PACSIN1: variants seen among roughly 807,000 people sequenced by gnomAD.
PACSIN1 encodes protein kinase C and casein kinase substrate in neurons 1, also known as protein kinase C and casein kinase substrate in neurons protein 1.
Under a neutral mutation model 59.5 loss-of-function variants are expected in PACSIN1, and 15 were observed. That is an observed-to-expected ratio of 0.25 (90% confidence interval 0.17 to 0.39). The LOEUF is 0.39. Among genes scored for constraint, PACSIN1 ranks in the 10% least tolerant of loss-of-function variants. The pLI is 1.00. For synonymous variants in PACSIN1, 210 were observed against 220.6 expected, an observed-to-expected ratio of 0.95 and a Z score of 0.42; for missense variants, 420 against 580.2, an observed-to-expected ratio of 0.72 and a Z score of 2.84.
chr6:34,472,755 A>G (rs1263430785), intron 1 of PACSIN1, among the ~76,000 whole-genome samples: 1 of 152,058 alleles, frequency 6.6e-6, no homozygotes, highest in Non-Finnish European at 1.5e-5. Flanking sequence ...GAAAGGGGGT[A>G]AGGTAAGGTA....
In PACSIN1 at chr6:34,515,427, C is replaced by T. The variant is rs904097598; in HGVS notation, c.-63-10816C>T. ...ACAGTCTGAAGCTAGACAGGGTATG[C>T]GGCAGAGGGCAGGGAGGAGTAAGGA... On this transcript the variant is annotated intron_variant, in intron 1 of 9. Coordinates refer to ENST00000244458, the MANE Select transcript of PACSIN1 (RefSeq NM_020804.5). This position sits in a 1 kb window ranked among gnomAD's most constrained non-coding sequence, Gnocchi z 4.4. Among the ~76,000 whole-genome samples, 6 of 152,158 alleles carry T rather than the reference C, an allele frequency of 3.9e-5. No homozygotes were observed. The highest frequency in any genetic ancestry group is 5.9e-5 in the Non-Finnish European group (4 of 68,004).
chr6:34,491,078 T>C (rs1419448033), intron 1 of PACSIN1, among the ~76,000 whole-genome samples: 2 of 152,158 alleles, frequency 1.3e-5, no homozygotes, highest in Admixed American at 1.3e-4. Flanking sequence ...CGACTCATCG[T>C]GGGCTGAGCA....
rs1391323271 is a variant in PACSIN1, at chr6:34,529,871, C to G, written c.788+30C>G. The G allele has an allele frequency of 2.5e-6, 4 of 1,602,002 alleles. No individual in the cohort carries two copies. The South Asian group carries it at 3.3e-5, about 13-fold the overall frequency. On this transcript the variant is annotated intron_variant, in intron 6 of 9. Transcript: ENST00000244458. The surrounding 1 kb of genome is among the most constrained non-coding windows in gnomAD (Gnocchi z 6.3). ...CTGGGCATGGCAGGCACCGAGGGCA[C>G]AGGCACAGCCAGCAGATGGTGTGAC... is the stretch of plus-strand genomic sequence containing the variant.
At chr6:34,476,334 G>A (rs540525562) in intron 1 of PACSIN1, among the ~76,000 whole-genome samples, 71 of 152,298 alleles carry the variant, frequency 4.7e-4, no homozygotes, top group East Asian at 2.7e-3. Flanking sequence ...GATGTCTCTC[G>A]CCAAGCGTGT....
rs1367974661 is a variant in PACSIN1, at chr6:34,530,885, G to A, written c.1037+298G>A. Among the ~76,000 whole-genome samples, 2 of 152,156 alleles carry A rather than the reference G, an allele frequency of 1.3e-5. No homozygotes were observed. The highest frequency in any genetic ancestry group is 2.4e-5 in the African/African-American group (1 of 41,420). On this transcript the variant is annotated intron_variant, in intron 8 of 9. Transcript: ENST00000244458. The surrounding 1 kb of genome is among the most constrained non-coding windows in gnomAD (Gnocchi z 4.4). ...AAGGAACGTGCAACCTGGATCCCTC[G>A]CATGCGCAGTTCACAATAGGGGGGT...
rs556185153 is a variant in PACSIN1, at chr6:34,531,390, C to T, written c.1038-210C>T. 6.6e-6 allele frequency among the ~76,000 whole-genome samples: 1 copy of T among 152,142 alleles called. No homozygotes were observed. ...ATGTGCCCTGGGGTCCCCTTCAATG[C>T]CCTCTCCCTCGAGGGCTGAATAATA... On this transcript the variant is annotated intron_variant, in intron 8 of 9. Coordinates refer to ENST00000244458, the MANE Select transcript of PACSIN1 (RefSeq NM_020804.5). This position sits in a 1 kb window ranked among gnomAD's most constrained non-coding sequence, Gnocchi z 4.4.
At chr6:34,498,622 A>G (rs1166096632) in intron 1 of PACSIN1, among the ~76,000 whole-genome samples, 1 of 151,584 alleles carries the variant, frequency 6.6e-6, no homozygotes, top group East Asian at 1.9e-4. Context: ...ACATGGCAAA[A>G]CCTTGTCTTG....
intron 1 of PACSIN1, among the ~76,000 whole-genome samples, chr6:34,480,689 C>G (rs1360050257): frequency 6.6e-6 from 1 of 152,100 alleles, no homozygotes; most frequent in Non-Finnish European, 1.5e-5. Context: ...AAAAAAGTTT[C>G]TGCTCTATAT....
At chr6:34,473,266 A>G (rs1766596633) in intron 1 of PACSIN1, among the ~76,000 whole-genome samples, 1 of 151,658 alleles carries the variant, frequency 6.6e-6, no homozygotes, top group Non-Finnish European at 1.5e-5. Flanking sequence ...GACAGCAGGG[A>G]CAAAGATGCA....
intron 1 of PACSIN1, among the ~76,000 whole-genome samples, chr6:34,474,240 C>G (rs186773383): frequency 6.6e-6 from 1 of 152,048 alleles, no homozygotes; most frequent in Admixed American, 6.6e-5. Context: ...TCCCTGACAC[C>G]TCATTTAGTC....
intron 1 of PACSIN1, among the ~76,000 whole-genome samples, chr6:34,472,737 C>A (rs1022478056): frequency 1.3e-5 from 2 of 151,830 alleles, no homozygotes; most frequent in African/African-American, 2.4e-5. Context: ...TGAAACCTGG[C>A]GGGATGGGAA....
chr6:34,528,353 A>G (rs540922961), intron 3 of PACSIN1, among the ~76,000 whole-genome samples: 14 of 152,204 alleles, frequency 9.2e-5, no homozygotes, highest in African/African-American at 3.4e-4. Context: ...ACCCCATTCC[A>G]TGGGGCTCAC....
At chr6:34,472,271 C>CAAAAAAA (rs61560626) in intron 1 of PACSIN1, among the ~76,000 whole-genome samples, 48 of 78,282 alleles carry the variant, frequency 6.1e-4, no homozygotes, top group African/African-American at 8.7e-4. Context: ...GACTCTGTCT[C>CAAAAAAA]AAAAAAAAAA....
chr6:34,466,600 C>T lies in PACSIN1; in HGVS notation c.-64+330C>T, dbSNP rs368433161. On this transcript the variant is annotated intron_variant, in intron 1 of 9. Coordinates refer to ENST00000244458, the MANE Select transcript of PACSIN1 (RefSeq NM_020804.5). ...GCCTGGGCCCGGGCGGTCCGGGTCT[C>T]TGGACTGCTACCAGAAGGGGTGGGT... 3.7e-4 allele frequency among the ~76,000 whole-genome samples: 56 copies of T among 152,270 alleles called. No individual in the cohort carries two copies. In the South Asian group the frequency reaches 4.8e-3, roughly 13 times the overall value.
At chr6:34,498,796 C>CAAAA (rs1228510694) in intron 1 of PACSIN1, among the ~76,000 whole-genome samples, 1,652 of 95,518 alleles carry the variant, frequency 0.017, 25 homozygotes, top group African/African-American at 0.052. Context: ...GACTTTGTCT[C>CAAAA]AAAAAAAAAA....
intron 1 of PACSIN1, among the ~76,000 whole-genome samples, chr6:34,497,710 A>G (rs1766968837): frequency 2.0e-5 from 3 of 152,022 alleles, no homozygotes; most frequent in Admixed American, 6.5e-5. Flanking sequence ...GGCTGAACCC[A>G]TGGTCAGTTC....
At chr6:34,466,735 C>T (rs993941260) in intron 1 of PACSIN1, among the ~76,000 whole-genome samples, 2 of 152,160 alleles carry the variant, frequency 1.3e-5, no homozygotes, top group African/African-American at 4.8e-5. Context: ...TCCTTCTGTC[C>T]CCTACCCCTT....
intron 2 of PACSIN1, among the ~76,000 whole-genome samples, chr6:34,527,030 C>T (rs1298101089): frequency 6.6e-6 from 1 of 152,144 alleles, no homozygotes; most frequent in Middle Eastern, 3.2e-3. Context: ...TCATTCCAGC[C>T]CAAGTCCAAA....
intron 1 of PACSIN1, among the ~76,000 whole-genome samples, chr6:34,491,508 G>T (rs1766876086): frequency 6.6e-6 from 1 of 152,148 alleles, no homozygotes; most frequent in African/African-American, 2.4e-5. Context: ...TTCTGACTTG[G>T]AGACTTGTGT....
Sources: allele counts gnomAD v4.1 joint callset (sites outside exome capture counted in the v4.1 genomes callset), GRCh38; gene constraint gnomAD v4.1.1; non-coding constraint Gnocchi (gnomAD v3.1); transcripts MANE v1.5; gene names NCBI Gene and HGNC (gene_info 2026-07-23, HGNC 2026-07-21).